Variants in IMPA1 observed in about 807,000 individuals in gnomAD.
IMPA1 encodes the protein inositol monophosphatase 1.
Under a neutral mutation model 34.9 loss-of-function variants are expected in IMPA1, and 21 were observed. That is an observed-to-expected ratio of 0.60 (90% CI 0.43 to 0.87). IMPA1 has a LOEUF of 0.87. Among genes scored for constraint, IMPA1 ranks in the 40% least tolerant of loss-of-function variants. IMPA1 has a pLI of 0.00. For missense variants in IMPA1, 299 were observed against 336.4 expected, an observed-to-expected ratio of 0.89 and a Z score of 0.87; for synonymous variants, 95 against 104.4, an observed-to-expected ratio of 0.91 and a Z score of 0.55.
intron 3 of IMPA1, 78 bp from the exon 4 acceptor site, chr8:81,679,308 C>A: frequency 1.0e-6 from 1 of 965,782 alleles, no homozygotes; most frequent in South Asian, 1.3e-5. Flanking sequence ...TCCTTAGCTA[C>A]ACAGAGTACT....
intron 5 of IMPA1, chr8:81,674,771 C>A: frequency 2.2e-6 from 1 of 454,514 alleles, no homozygotes. Flanking sequence ...TTTTACAGTC[C>A]ACAAATTCAT....
chr8:81,684,273 ATACAT>A, intron 1 of IMPA1, among the ~76,000 whole-genome samples: 1 of 141,124 alleles, frequency 7.1e-6, no homozygotes, highest in East Asian at 2.0e-4. Flanking sequence ...ATAGTATACC[ATACAT>A]AAGTATATTT....
Position 81,660,648 on chromosome 8 carries a change from C to T in IMPA1, c.586G>A (p.Ala196Thr), listed in dbSNP as rs1287181259. The change falls in exon 8 of 9, where the codon GCA becomes ACA. Residue 196 changes from alanine (A) to threonine (T), a missense_variant. Physicochemically the swap from Ala to Thr is moderately conservative, Grantham distance 58 (BLOSUM62 0). Transcript: ENST00000256108. ...PVHGIRSVGT[A>T]AVNMCLVATG... is the part of the protein sequence containing the mutation. ...GCCACAAGGCACATATTAACAGCTG[C>T]TGTTCCAACACTCCGGATCCTAACA... 1 of 1,612,622 alleles carries T rather than the reference C, an allele frequency of 6.2e-7. No homozygotes were observed. The highest frequency in any genetic ancestry group is 8.5e-7 in the Non-Finnish European group (1 of 1,178,974).
At chr8:81,685,528 A>C (rs1211010275) in intron 1 of IMPA1, among the ~76,000 whole-genome samples, 1 of 145,480 alleles carries the variant, frequency 6.9e-6, no homozygotes, top group Non-Finnish European at 1.5e-5. Flanking sequence ...TCTGTACTAT[A>C]TATAAGTATA....
At chr8:81,684,565 G>A (rs1031598564) in intron 1 of IMPA1, among the ~76,000 whole-genome samples, 1 of 135,018 alleles carries the variant, frequency 7.4e-6, no homozygotes, top group African/African-American at 2.8e-5. Context: ...ATACTAATGT[G>A]TAGTATATAT....
At chr8:81,685,964 C>A (rs1282805077) in intron 1 of IMPA1, 2 of 1,497,254 alleles carry the variant, frequency 1.3e-6, no homozygotes, top group Non-Finnish European at 1.8e-6. Flanking sequence ...TTTCTAGGAG[C>A]TTTTCGGAGT....
intron 4 of IMPA1, among the ~76,000 whole-genome samples, chr8:81,677,420 C>T (rs1436528823): frequency 6.6e-6 from 1 of 152,168 alleles, no homozygotes; most frequent in Non-Finnish European, 1.5e-5. Flanking sequence ...CTATGTCCTA[C>T]ACCGTGATAA....
chr8:81,679,190 T>C lies in IMPA1; in HGVS notation c.238A>G (p.Ile80Val), dbSNP rs1488271904. The C allele has an allele frequency of 3.7e-6, 6 of 1,613,972 alleles. No individual in the cohort carries two copies. In the African/African-American group the frequency reaches 5.3e-5, roughly 14 times the overall value. The part of the protein sequence containing the change: ...EESVAAGEKS[I>V]LTDNPTWIID... Reference sequence around the variant, plus strand: ...ATCCATGTGGGGTTGTCGGTTAAGATACTTTTTTCCCCAGCTGCCACAGAT... The same window carrying C: ...ATCCATGTGGGGTTGTCGGTTAAGACACTTTTTTCCCCAGCTGCCACAGAT... The change falls in exon 4 of 9, where the codon ATC becomes GTC. Residue 80 changes from isoleucine to valine, a missense_variant. Physicochemically the swap from Ile to Val is conservative, Grantham distance 29. Transcript: ENST00000256108.
rs1369549448 is a variant in IMPA1 at position 81,658,199 on chromosome 8, C to T, written c.*1152G>A. ...ACAACACAAAGCTCAAACGAACCTA[C>T]AATAAGTCTAGTAGTCTGTTTACGT... On this transcript the variant is annotated 3_prime_UTR_variant, in exon 9 of 9. Transcript: ENST00000256108. The T allele has an allele frequency of 6.6e-6, 1 of 152,116 alleles. No homozygotes were observed. The highest frequency in any genetic ancestry group is 1.5e-5 in the Non-Finnish European group (1 of 68,002). 9.4% of individuals were successfully genotyped at this position (152,116 alleles called of 1,614,324 possible). A position where few individuals can be genotyped will look rare whatever the true frequency, so the allele number is the denominator to read the frequency against.
At position 81,673,919 on chromosome 8, in the gene IMPA1, C is replaced by G. The variant is rs376742471; in HGVS notation, c.379G>C (p.Glu127Gln). 78 of 1,612,556 alleles carry G rather than the reference C, an allele frequency of 4.8e-5. No homozygotes were observed. In the East Asian group the frequency reaches 7.1e-4, roughly 15 times the overall value. ...TTTCTGGCAGTGTACATCTTGCCTT[C>G]CACACAACTGTACACAACTCCAAAT... ...IEFGVVYSCV[E>Q]GKMYTARKGK... The change falls in exon 6 of 9, where the codon GAA (glutamate) becomes CAA (glutamine). Residue 127 changes from glutamate (E) to glutamine (Q), a missense_variant. Transcript: ENST00000256108.
chr8:81,659,581 TAAAC>T lies in IMPA1; in HGVS notation c.719-119_719-116del, dbSNP rs138458582. ...AACATTTTAATACTTTCAGTTTTCT[TAAAC>T]AAAAATCTACTGTTACATTTCTACA... On this transcript the variant is annotated intron_variant, in intron 8 of 8. Coordinates refer to ENST00000256108, the MANE Select transcript of IMPA1 (RefSeq NM_005536.4). 5,580 of 633,434 alleles carry T rather than the reference TAAAC, an allele frequency of 8.8e-3. 230 individuals carry two copies. In the African/African-American group the frequency reaches 0.089, roughly 10 times the overall value. 39.2% of individuals were successfully genotyped at this position (633,434 alleles called of 1,614,324 possible).
intron 7 of IMPA1, among the ~76,000 whole-genome samples, chr8:81,668,301 G>A (rs1806892697): frequency 6.6e-6 from 1 of 152,180 alleles, no homozygotes; most frequent in African/African-American, 2.4e-5. Flanking sequence ...GGGAAGCAGA[G>A]TGGCCAGATG....
Position 81,681,493 on chromosome 8 carries a change from C to T in IMPA1, c.63+5G>A. 6.6e-7 allele frequency: 1 copy of T among 1,524,476 alleles called. No individual in the cohort carries two copies. The highest frequency in any genetic ancestry group is 9.1e-7 in the Non-Finnish European group (1 of 1,100,168). 94.4% of individuals were successfully genotyped at this position (1,524,476 alleles called of 1,614,324 possible). On this transcript the variant is annotated splice_donor_5th_base_variant and intron_variant, in intron 2 of 8. Transcript: ENST00000256108. ...GATTATAATTGACAAAATCTTAGCT[C>T]ATACCTCTCCAGCTTGTCTTGCTAG...
intron 5 of IMPA1, chr8:81,674,796 A>C (rs1440298590): frequency 2.2e-6 from 1 of 455,254 alleles, no homozygotes; most frequent in Non-Finnish European, 4.4e-6. Context: ...GCTCCCATCA[A>C]CCTCATAATC....
chr8:81,682,146 T>A (rs1412421334), intron 1 of IMPA1, among the ~76,000 whole-genome samples: 1 of 151,996 alleles, frequency 6.6e-6, no homozygotes, highest in Non-Finnish European at 1.5e-5. Flanking sequence ...AAAAGAAAAT[T>A]CCAGGACCAA....
intron 3 of IMPA1, among the ~76,000 whole-genome samples, 161 bp from the exon 4 acceptor site, chr8:81,679,391 A>T (rs1333520494): frequency 6.6e-6 from 1 of 152,210 alleles, no homozygotes; most frequent in Non-Finnish European, 1.5e-5. Context: ...GGGAGGGCGG[A>T]TCACCTGAGT....
chr8:81,681,467 T>G (rs376007347), intron 2 of IMPA1, 31 bp downstream of exon 2: 1 of 1,186,040 alleles, frequency 8.4e-7, no homozygotes, highest in South Asian at 1.2e-5. Flanking sequence ...ACATTATAAT[T>G]GATTATAATT....
At chr8:81,679,648 C>T (rs1449936306) in intron 3 of IMPA1, among the ~76,000 whole-genome samples, 3 of 151,664 alleles carry the variant, frequency 2.0e-5, no homozygotes, top group African/African-American at 7.3e-5. Context: ...AAGTCTGTAC[C>T]CTACACTTTT....
intron 7 of IMPA1, among the ~76,000 whole-genome samples, chr8:81,667,510 G>C (rs79715255): frequency 0.11 from 16,882 of 152,012 alleles, 985 homozygotes; most frequent in Middle Eastern, 0.16. Flanking sequence ...TTAACAAACA[G>C]AAGCGGCTTT....
Sources: allele counts gnomAD v4.1 joint callset (sites outside exome capture counted in the v4.1 genomes callset), GRCh38; gene constraint gnomAD v4.1.1; transcripts MANE v1.5; gene names NCBI Gene and HGNC (gene_info 2026-07-23, HGNC 2026-07-21).